The following SIK3 variants were observed in gnomAD, a reference collection of about 807,000 sequenced individuals.
SIK3 encodes the protein serine/threonine-protein kinase SIK3.
SIK3 carries 28 observed loss-of-function variants against 144.2 expected under a neutral mutation model. That is an observed-to-expected ratio of 0.19 (90% CI 0.14 to 0.27). SIK3 has a LOEUF of 0.27. SIK3 is among the 10% of genes least tolerant of loss of function. The probability of loss-of-function intolerance (pLI) is 1.00; values close to 1 mark genes in which losing one functional copy is unlikely to be tolerated. For missense variants in SIK3, 1,319 were observed against 1,776.0 expected, an observed-to-expected ratio of 0.74 and a Z score of 4.62; for synonymous variants, 686 against 676.3, an observed-to-expected ratio of 1.01 and a Z score of -0.22.
At chr11:116,916,778 A>G (rs59917491) in intron 4 of SIK3, among the ~76,000 whole-genome samples, 12 of 150,532 alleles carry the variant, frequency 8.0e-5, no homozygotes, top group Non-Finnish European at 1.5e-4. Context: ...CCAAAGTGCT[A>G]GGATTACAGG....
intron 3 of SIK3, among the ~76,000 whole-genome samples, chr11:116,947,561 ATGTATGTATT>A (rs1948726245): frequency 3.1e-5 from 2 of 65,342 alleles, no homozygotes; most frequent in Non-Finnish European, 9.4e-5. Context: ...GTATGTATGT[ATGTATGTATT>A]TTTTTTTTTT....
chr11:117,096,247 G>C (rs1591702402), intron 1 of SIK3, among the ~76,000 whole-genome samples: 2 of 152,108 alleles, frequency 1.3e-5, no homozygotes, highest in South Asian at 4.1e-4. Context: ...CAATATTTTG[G>C]TGTATCCAAG....
At chr11:116,889,981 G>T (rs1165216538) in intron 6 of SIK3, among the ~76,000 whole-genome samples, 1 of 152,182 alleles carries the variant, frequency 6.6e-6, no homozygotes, top group Non-Finnish European at 1.5e-5. Context: ...CTGATATTAT[G>T]ATTTGGATAA....
At chr11:116,920,796 TG>T (rs1213001229) in intron 4 of SIK3, among the ~76,000 whole-genome samples, 1 of 152,170 alleles carries the variant, frequency 6.6e-6, no homozygotes, top group Non-Finnish European at 1.5e-5. Context: ...TATGAGCCAG[TG>T]GGAGTGTGAC....
chr11:117,012,256 G>A lies in SIK3; in HGVS notation c.274-55192C>T, dbSNP rs117270780. On this transcript the variant is annotated intron_variant, in intron 1 of 24. Transcript: ENST00000445177. ...TCCAAAGTGTTGGGATTATAGGCAT[G>A]AGCCACCATGCCCAGTCCTCAAATA... 1.5e-3 allele frequency among the ~76,000 whole-genome samples: 228 copies of A among 152,236 alleles called. 7 individuals are homozygous for A. Among genetic ancestry groups the A allele is most frequent in the East Asian group, 5.8e-4 (3 of 5,176 alleles).
intron 1 of SIK3, among the ~76,000 whole-genome samples, chr11:116,970,882 A>C (rs1363686802): frequency 6.6e-6 from 1 of 152,122 alleles, no homozygotes; most frequent in Admixed American, 6.5e-5. Flanking sequence ...CCTGGCCTCA[A>C]GCAATCCTCC....
rs114303687 is a variant in SIK3, at chr11:116,976,716, C to T, written c.274-19652G>A. The stretch of plus-strand genomic sequence containing the variant: ...CCTACAGGGCCTAGGACCCAGAACG[C>T]AGTTGTGGTGTTTTAGTAACTGTTA... On this transcript the variant is annotated intron_variant, in intron 1 of 24. Transcript: ENST00000445177. Among the ~76,000 whole-genome samples the T allele has an allele frequency of 9.5e-3, 1,441 of 152,328 alleles. 26 individuals are homozygous for T. The highest frequency in any genetic ancestry group is 0.033 in the African/African-American group (1,368 of 41,566).
intron 4 of SIK3, among the ~76,000 whole-genome samples, chr11:116,919,922 C>T (rs954092077): frequency 6.6e-6 from 1 of 152,118 alleles, no homozygotes; most frequent in African/African-American, 2.4e-5. Context: ...TGTTTACTGC[C>T]ACCATCACCC....
chr11:117,021,680 T>C (rs1383315888), intron 1 of SIK3, among the ~76,000 whole-genome samples: 4 of 151,990 alleles, frequency 2.6e-5, no homozygotes, highest in Admixed American at 2.6e-4. Context: ...CTCCATTAAT[T>C]AAGCTAGGCA....
At chr11:116,929,744 G>C (rs909177599) in intron 3 of SIK3, among the ~76,000 whole-genome samples, 1 of 152,234 alleles carries the variant, frequency 6.6e-6, no homozygotes, top group African/African-American at 2.4e-5. Context: ...CTCTGATTAA[G>C]AGTATCATAC....
intron 1 of SIK3, among the ~76,000 whole-genome samples, chr11:117,063,165 C>T (rs556403172): frequency 6.6e-6 from 1 of 152,304 alleles, no homozygotes; most frequent in Non-Finnish European, 1.5e-5. Flanking sequence ...ATCTTCATAT[C>T]ATTGGGTCTA....
At position 117,090,775 on chromosome 11, in the gene SIK3, T is replaced by G. The variant is rs117592996; in HGVS notation, c.273+7368A>C. ...ATTTAAAGGCAAAGCAGTGGACCCATAGGGTACTAAAAGTTAGTGGCAAAG... is the reference window on the plus strand; with the variant it reads ...ATTTAAAGGCAAAGCAGTGGACCCAGAGGGTACTAAAAGTTAGTGGCAAAG... On this transcript the variant is annotated intron_variant, in intron 1 of 24. Transcript: ENST00000445177. 1.2e-4 allele frequency among the ~76,000 whole-genome samples: 18 copies of G among 152,336 alleles called. No homozygotes were observed. The East Asian group carries it at 3.3e-3, about 28-fold the overall frequency.
chr11:116,881,817 C>A (rs1306351079), intron 6 of SIK3, among the ~76,000 whole-genome samples: 1 of 152,154 alleles, frequency 6.6e-6, no homozygotes, highest in African/African-American at 2.4e-5. Flanking sequence ...ACATGATAGG[C>A]AAAGTGCTAA....
intron 4 of SIK3, among the ~76,000 whole-genome samples, chr11:116,926,499 T>C (rs1947281416): frequency 6.6e-6 from 1 of 152,230 alleles, no homozygotes; most frequent in African/African-American, 2.4e-5. Context: ...TTTTCCTAAA[T>C]TATCATACAA....
At position 116,885,939 on chromosome 11, in the gene SIK3, T is replaced by C. The variant is rs1341873426; in HGVS notation, c.866-8897A>G. On this transcript the variant is annotated intron_variant, in intron 6 of 24. Transcript: ENST00000445177. ...CAGTTGTTCTGAACATTAAATAAGG[T>C]AATGCAACAGTGCCTGGTACATAGA... Among the ~76,000 whole-genome samples, 3 of 152,342 alleles carry C rather than the reference T, an allele frequency of 2.0e-5. No homozygotes were observed. In the East Asian group the frequency reaches 5.8e-4, roughly 29 times the overall value.
At chr11:116,906,202 A>C (rs76514247) in intron 4 of SIK3, among the ~76,000 whole-genome samples, 1 of 152,318 alleles carries the variant, frequency 6.6e-6, no homozygotes, top group Non-Finnish European at 1.5e-5. Flanking sequence ...TGAAAAAAAC[A>C]ATTCAAAAGA....
intron 21 of SIK3, among the ~76,000 whole-genome samples, chr11:116,853,550 T>C (rs1483380824): frequency 6.6e-6 from 1 of 152,244 alleles, no homozygotes; most frequent in Non-Finnish European, 1.5e-5. Flanking sequence ...CAATTCTCTA[T>C]TGAATCTGTC....
chr11:116,875,291 G>C (rs779277540), intron 10 of SIK3, 24 bp from the exon 11 acceptor site: 2 of 1,612,784 alleles, frequency 1.2e-6, no homozygotes, highest in South Asian at 2.2e-5. Flanking sequence ...AAACACCATC[G>C]AGTTAGAAAT....
intron 1 of SIK3, among the ~76,000 whole-genome samples, chr11:117,034,014 A>G (rs2135814202): frequency 6.6e-6 from 1 of 152,336 alleles, no homozygotes; most frequent in East Asian, 1.9e-4. Context: ...TAATGAAGTT[A>G]AGTTTTATAA....
Sources: gnomAD v4.1 joint callset for allele counts (sites outside exome capture counted in the v4.1 genomes callset) on GRCh38, gnomAD v4.1.1 for gene constraint, MANE v1.5 for transcripts, NCBI Gene and HGNC (gene_info 2026-07-23, HGNC 2026-07-21) for gene names.